The following PBX1 variants were observed in gnomAD, a reference collection of about 807,000 sequenced individuals.
PBX1 encodes PBX homeobox 1.
Under a neutral mutation model 53.4 loss-of-function variants are expected in PBX1, and 6 were observed. The ratio of observed to expected loss-of-function variants is 0.11; its 90% CI spans 0.06 to 0.22. The LOEUF (loss-of-function observed/expected upper bound fraction) is 0.22. Ranked by LOEUF, PBX1 falls within the 10% of genes least tolerant of loss-of-function variation. The probability of loss-of-function intolerance (pLI) is 1.00; values close to 1 mark genes in which losing one functional copy is unlikely to be tolerated. For missense variants in PBX1, 251 were observed against 551.4 expected (o/e 0.46, Z 5.46); for synonymous variants, 204 against 212.3 (o/e 0.96, Z 0.34).
At chr1:164,842,521 G>A (rs577814094) in intron 8 of PBX1, among the ~76,000 whole-genome samples, 59 of 152,222 alleles carry the variant, frequency 3.9e-4, no homozygotes, top group African/African-American at 1.3e-3. Context: ...TTGGGAACCT[G>A]CTGTATTTTA....
At chr1:164,669,557 G>A (rs1661004065) in intron 2 of PBX1, among the ~76,000 whole-genome samples, 1 of 152,226 alleles carries the variant, frequency 6.6e-6, no homozygotes, top group Non-Finnish European at 1.5e-5. Flanking sequence ...GTATGGGCTG[G>A]GTTCTAGCTC....
chr1:164,868,859 G>A (rs891336321), intron 2 of PBX1, among the ~76,000 whole-genome samples: 5 of 152,096 alleles, frequency 3.3e-5, no homozygotes, highest in African/African-American at 7.2e-5. Flanking sequence ...CTGGGATGGC[G>A]AGACATTTCA....
chr1:164,566,997 AC>A (rs1174031851), intron 2 of PBX1, among the ~76,000 whole-genome samples: 1 of 151,096 alleles, frequency 6.6e-6, no homozygotes, highest in Non-Finnish European at 1.5e-5. Context: ...TTCAATTAAC[AC>A]CCCCATCACA....
chr1:164,734,711 T>A (rs1015020825), intron 2 of PBX1, among the ~76,000 whole-genome samples: 2 of 152,304 alleles, frequency 1.3e-5, no homozygotes, highest in East Asian at 3.9e-4. Flanking sequence ...GTTTGATATA[T>A]TGAACAGTTG....
chr1:164,605,743 G>T (rs1656503223), intron 2 of PBX1, among the ~76,000 whole-genome samples: 1 of 152,004 alleles, frequency 6.6e-6, no homozygotes, highest in Non-Finnish European at 1.5e-5. Flanking sequence ...TTGCTTGCGG[G>T]GATTATTTAG....
chr1:164,808,859 C>G (rs1248553217), intron 5 of PBX1, among the ~76,000 whole-genome samples: 1 of 152,164 alleles, frequency 6.6e-6, no homozygotes, highest in Non-Finnish European at 1.5e-5. Context: ...TGAATTGACT[C>G]CTTTTTAACC....
intron 1 of PBX1, among the ~76,000 whole-genome samples, chr1:164,561,105 C>T (rs1217491454): frequency 6.6e-6 from 1 of 152,142 alleles, no homozygotes; most frequent in Non-Finnish European, 1.5e-5. Context: ...ATCTAATGAC[C>T]ACATATGTCT....
At chr1:164,803,183 A>G (rs1201472731) in intron 4 of PBX1, among the ~76,000 whole-genome samples, 1 of 152,174 alleles carries the variant, frequency 6.6e-6, no homozygotes, top group Non-Finnish European at 1.5e-5. Context: ...AGCCACTGGA[A>G]CATCAAAGAT....
downstream of PBX1, among the ~76,000 whole-genome samples, chr1:164,855,841 T>C (rs192448287): frequency 4.6e-5 from 7 of 152,342 alleles, no homozygotes; most frequent in Non-Finnish European, 5.9e-5. Flanking sequence ...TTCTGCCTCC[T>C]TTCTCTGAGA....
intron 2 of PBX1, among the ~76,000 whole-genome samples, chr1:164,571,562 A>G (rs1444715263): frequency 6.7e-6 from 1 of 149,640 alleles, no homozygotes; most frequent in Non-Finnish European, 1.5e-5. Flanking sequence ...CTGTATGGAT[A>G]TACCACATTT....
chr1:164,653,396 AT>A, intron 2 of PBX1, among the ~76,000 whole-genome samples: 1 of 151,830 alleles, frequency 6.6e-6, no homozygotes, highest in Admixed American at 6.6e-5. Flanking sequence ...GTAAGATACA[AT>A]TTTTTTATAA....
Position 164,846,844 on chromosome 1 carries a change from C to G in PBX1, c.*168C>G, listed in dbSNP as rs1257379146. The G allele has an allele frequency of 1.6e-5, 23 of 1,453,930 alleles. No individual in the cohort carries two copies. The highest frequency in any genetic ancestry group is 4.3e-5 in the African/African-American group (3 of 70,394). The allele number at this position is 1,453,930 out of a possible 1,614,324, so 90.1% of individuals were successfully genotyped here. A position where few individuals can be genotyped will look rare whatever the true frequency, so the allele number is the denominator to read the frequency against. ...TCTTTGGGATGCTATTTCAGCCAAT[C>G]TGGACACTTCTTTATACTCTCTTCC... On this transcript the variant is annotated 3_prime_UTR_variant, in exon 9 of 9. Transcript: ENST00000420696.
intron 2 of PBX1, among the ~76,000 whole-genome samples, chr1:164,861,408 C>T (rs1672094580): frequency 6.6e-6 from 1 of 152,152 alleles, no homozygotes; most frequent in African/African-American, 2.4e-5. Context: ...TCTAACAAAC[C>T]TGAATATTCC....
chr1:164,806,186 C>T (rs1160610863), intron 4 of PBX1, among the ~76,000 whole-genome samples: 3 of 152,170 alleles, frequency 2.0e-5, no homozygotes, highest in African/African-American at 7.2e-5. Context: ...CTGCATTGAG[C>T]CTGCAACTCC....
At chr1:164,799,600 A>G (rs1209379295) in intron 3 of PBX1, 99 bp from the exon 4 acceptor site, 2 of 1,043,818 alleles carry the variant, frequency 1.9e-6, no homozygotes, top group African/African-American at 3.1e-5. Flanking sequence ...CTTTATTTGC[A>G]CAAGTCTCTA....
At chr1:164,868,858 C>T (rs1445754418) in intron 2 of PBX1, among the ~76,000 whole-genome samples, 1 of 152,076 alleles carries the variant, frequency 6.6e-6, no homozygotes, top group Admixed American at 6.5e-5. Flanking sequence ...TCTGGGATGG[C>T]GAGACATTTC....
At chr1:164,732,311 A>T (rs550844388) in intron 2 of PBX1, among the ~76,000 whole-genome samples, 2 of 152,312 alleles carry the variant, frequency 1.3e-5, no homozygotes, top group African/African-American at 4.8e-5. Context: ...AAATATGAGG[A>T]TTAGTGCCAC....
chr1:164,884,269 C>T (rs1672727480), intron 2 of PBX1, among the ~76,000 whole-genome samples: 1 of 152,134 alleles, frequency 6.6e-6, no homozygotes, highest in East Asian at 1.9e-4. Context: ...TAATATTTAT[C>T]ATGGAGATTT....
intron 2 of PBX1, among the ~76,000 whole-genome samples, chr1:164,603,724 C>A (rs1656334824): frequency 6.6e-6 from 1 of 152,046 alleles, no homozygotes; most frequent in African/African-American, 2.4e-5. Context: ...TGGAGGATAC[C>A]TACATAAGTC....
Sources: allele counts gnomAD v4.1 joint callset (sites outside exome capture counted in the v4.1 genomes callset), GRCh38; gene constraint gnomAD v4.1.1; transcripts MANE v1.5; gene names NCBI Gene and HGNC (gene_info 2026-07-23, HGNC 2026-07-21).